Variants in CEP85L observed in about 807,000 individuals in gnomAD.
CEP85L encodes centrosomal protein 85L, also known as centrosomal protein of 85 kDa-like.
In CEP85L, 60 loss-of-function variants were observed where a neutral mutation model predicts 100.3. That is an observed-to-expected ratio of 0.60 (90% CI 0.49 to 0.74). The LOEUF (loss-of-function observed/expected upper bound fraction) is 0.74. CEP85L is among the 30% of genes least tolerant of loss of function. The pLI is 0.00. For synonymous variants in CEP85L, 319 were observed against 322.7 expected (o/e 0.99, Z 0.12); for missense variants, 973 against 936.2 (o/e 1.04, Z -0.51).
chr6:118,491,798 C>T lies in CEP85L; in HGVS notation c.1325G>A (p.Gly442Glu), dbSNP rs369403888. ...AGATGCAAGCTTTTGCTCAAATTCC[C>T]CTTGTTGGGAATGGGAAACTGATTC... The part of the protein sequence containing the change: ...SEESVSHSQQ[G>E]EFEQKLASTE... Residue 442 changes from glycine (G) to glutamate (E), a missense_variant, in exon 6 of 13, where the codon GGG becomes GAG. Coordinates refer to ENST00000368491, the MANE Select transcript of CEP85L (RefSeq NM_001042475.3). 1 of 1,612,488 alleles carries T rather than the reference C, an allele frequency of 6.2e-7. No homozygotes were observed. Among genetic ancestry groups the T allele is most frequent in the Non-Finnish European group, 8.5e-7 (1 of 1,179,308 alleles).
chr6:118,465,311 G>T lies in CEP85L; in HGVS notation c.*94C>A. ...AAATCCACAGAAAAAAAATCCCTAA[G>T]TGCAAGTCATGTCACTTGCAACCTT... On this transcript the variant is annotated 3_prime_UTR_variant, in exon 13 of 13. Coordinates refer to ENST00000368491, the MANE Select transcript of CEP85L (RefSeq NM_001042475.3). 8.4e-7 allele frequency: 1 copy of T among 1,184,838 alleles called. No homozygotes were observed. Among genetic ancestry groups the T allele is most frequent in the Non-Finnish European group, 1.2e-6 (1 of 861,050 alleles). 73.4% of individuals were successfully genotyped at this position (1,184,838 alleles called of 1,614,324 possible).
At chr6:118,572,269 CT>C (rs1307140055) in intron 2 of CEP85L, among the ~76,000 whole-genome samples, 2 of 72,520 alleles carry the variant, frequency 2.8e-5, no homozygotes, top group Non-Finnish European at 5.3e-5. Flanking sequence ...GTAACCCATT[CT>C]TTAAAAAAAA....
At chr6:118,689,269 G>A (rs1288483789) in intron 1 of CEP85L, among the ~76,000 whole-genome samples, 1 of 152,144 alleles carries the variant, frequency 6.6e-6, no homozygotes, top group Non-Finnish European at 1.5e-5. Flanking sequence ...AATATTTCAA[G>A]TTAAATTCTG....
At chr6:118,563,505 G>C (rs1415665251) in intron 3 of CEP85L, among the ~76,000 whole-genome samples, 1 of 152,176 alleles carries the variant, frequency 6.6e-6, no homozygotes, top group Non-Finnish European at 1.5e-5. Flanking sequence ...CATGGTGAGT[G>C]TTTAGGAGTT....
At chr6:118,659,274 A>G (rs1007491833) in intron 1 of CEP85L, among the ~76,000 whole-genome samples, 1 of 152,230 alleles carries the variant, frequency 6.6e-6, no homozygotes, top group African/African-American at 2.4e-5. Flanking sequence ...CCTCATGCAT[A>G]TGCTGTGGAT....
intron 4 of CEP85L, among the ~76,000 whole-genome samples, chr6:118,516,395 C>T (rs563188763): frequency 1.3e-4 from 20 of 152,306 alleles, no homozygotes; most frequent in Non-Finnish European, 2.9e-4. Context: ...TCTATCTCTC[C>T]ACATCCTCTC....
intron 1 of CEP85L, among the ~76,000 whole-genome samples, chr6:118,681,604 G>A (rs1293993162): frequency 6.6e-6 from 1 of 151,752 alleles, no homozygotes; most frequent in African/African-American, 2.4e-5. Flanking sequence ...ATAGTATTTT[G>A]GACTTCCCTC....
intron 6 of CEP85L, 28 bp from the exon 7 acceptor site, chr6:118,483,886 G>C (rs1326629367): frequency 1.4e-5 from 22 of 1,595,244 alleles, no homozygotes; most frequent in Non-Finnish European, 1.9e-5. Flanking sequence ...TGAACCTTCA[G>C]TAGTTTTCAG....
intron 3 of CEP85L, among the ~76,000 whole-genome samples, chr6:118,557,190 T>C (rs1032541354): frequency 2.0e-5 from 3 of 152,206 alleles, no homozygotes; most frequent in Non-Finnish European, 2.9e-5. Context: ...ATATTTTTGG[T>C]AAAACACTTC....
intron 2 of CEP85L, among the ~76,000 whole-genome samples, chr6:118,581,952 G>A (rs1459557773): frequency 6.6e-6 from 1 of 152,238 alleles, no homozygotes; most frequent in African/African-American, 2.4e-5. Context: ...AAGGGCAAAT[G>A]GACTGAGATC....
chr6:118,471,505 C>T (rs933457863), intron 10 of CEP85L, among the ~76,000 whole-genome samples: 1 of 151,912 alleles, frequency 6.6e-6, no homozygotes, highest in African/African-American at 2.4e-5. Flanking sequence ...ACACAATCTA[C>T]TATAAAGATA....
chr6:118,651,674 G>T, upstream of CEP85L: 1 of 985,418 alleles, frequency 1.0e-6, no homozygotes, highest in Non-Finnish European at 1.2e-6. Context: ...AGGCGTGCGC[G>T]GCGCCGCGCG....
At chr6:118,649,916 T>TG (rs1288989427) in intron 1 of CEP85L, among the ~76,000 whole-genome samples, 2 of 152,228 alleles carry the variant, frequency 1.3e-5, no homozygotes, top group Non-Finnish European at 2.9e-5. Context: ...ATATGTCTTT[T>TG]TAAAAACCAC....
intron 10 of CEP85L, among the ~76,000 whole-genome samples, chr6:118,473,895 G>T (rs1169198983): frequency 6.6e-6 from 1 of 152,108 alleles, no homozygotes; most frequent in Non-Finnish European, 1.5e-5. Context: ...AATCTGAAAT[G>T]TATAGCAGGG....
intron 3 of CEP85L, among the ~76,000 whole-genome samples, chr6:118,525,111 C>T (rs1000994368): frequency 6.6e-6 from 1 of 152,094 alleles, no homozygotes; most frequent in African/African-American, 2.4e-5. Flanking sequence ...TGACAAGAAC[C>T]CAATTTTTTT....
intron 1 of CEP85L, among the ~76,000 whole-genome samples, chr6:118,650,493 G>C (rs1034897249): frequency 6.6e-6 from 1 of 152,188 alleles, no homozygotes; most frequent in Non-Finnish European, 1.5e-5. Flanking sequence ...TTTCCTTGAA[G>C]GGGCCACGGA....
At position 118,589,659 on chromosome 6, in the gene CEP85L, C is replaced by T. The variant is rs2115114014; in HGVS notation, c.233-23343G>A. The T allele has an allele frequency of 3.5e-5, 10 of 288,338 alleles. No homozygotes were observed. The South Asian group carries it at 3.9e-4, about 11-fold the overall frequency. The allele number at this position is 288,338 out of a possible 1,614,324, so 17.9% of individuals were successfully genotyped here. A position where few individuals can be genotyped will look rare whatever the true frequency, so the allele number is the denominator to read the frequency against. The stretch of plus-strand genomic sequence containing the variant: ...AATAACTCCCCTCAGGGATAGGATG[C>T]AAGCCCATGATGAGAAGCAGAAACT... On this transcript the variant is annotated intron_variant, in intron 2 of 12. Transcript: ENST00000368491.
chr6:118,539,246 T>C (rs888999424), intron 3 of CEP85L, among the ~76,000 whole-genome samples: 2 of 152,250 alleles, frequency 1.3e-5, no homozygotes, highest in African/African-American at 4.8e-5. Context: ...CTTAAGATTA[T>C]ACCTCATTCT....
intron 3 of CEP85L, among the ~76,000 whole-genome samples, chr6:118,531,237 CA>C (rs565540815): frequency 2.3e-4 from 35 of 151,938 alleles, no homozygotes; most frequent in Admixed American, 7.2e-4. Context: ...TCAACGTCAA[CA>C]AAAACAATCA....
Sources: gnomAD v4.1 joint callset for allele counts (sites outside exome capture counted in the v4.1 genomes callset) on GRCh38, gnomAD v4.1.1 for gene constraint, MANE v1.5 for transcripts, NCBI Gene and HGNC (gene_info 2026-07-23, HGNC 2026-07-21) for gene names.